Variants in TPRG1 observed in about 807,000 individuals in gnomAD.
TPRG1 encodes the protein tumor protein p63-regulated gene 1 protein.
TPRG1 carries 29 observed loss-of-function variants against 29.3 expected under a neutral mutation model. The ratio of observed to expected loss-of-function variants is 0.99; its 90% CI spans 0.74 to 1.35. The LOEUF (loss-of-function observed/expected upper bound fraction) is 1.35, where lower values mean the gene tolerates loss of function less well. TPRG1 is among the 40% of genes most tolerant of loss of function. The probability of loss-of-function intolerance (pLI) is 0.00; values close to 1 mark genes in which losing one functional copy is unlikely to be tolerated. For missense variants in TPRG1, 327 were observed against 335.0 expected (o/e 0.98, Z 0.19); for synonymous variants, 130 against 116.8 (o/e 1.11, Z -0.73).
At chr3:189,024,082 C>G (rs981941501) in intron 4 of TPRG1, 2 of 152,352 alleles carry the variant, frequency 1.3e-5, no homozygotes, top group Non-Finnish European at 2.9e-5. Flanking sequence ...CCAAGGCACA[C>G]AGGCTAGACC....
intron 4 of TPRG1, among the ~76,000 whole-genome samples, chr3:189,254,861 TA>T (rs1315482280): frequency 1.1e-4 from 16 of 152,204 alleles, no homozygotes; most frequent in Middle Eastern, 3.2e-3. Context: ...GTGATTTTTG[TA>T]CATTGATTTT....
At chr3:189,250,508 C>CACCCG (rs1553931563) in intron 4 of TPRG1, among the ~76,000 whole-genome samples, 1 of 80,248 alleles carries the variant, frequency 1.2e-5, no homozygotes, top group East Asian at 4.2e-4. Flanking sequence ...ATTTCCGCCC[C>CACCCG]CCCCCCCCCA....
chr3:189,271,313 C>T (rs990640745), intron 4 of TPRG1, among the ~76,000 whole-genome samples: 4 of 152,180 alleles, frequency 2.6e-5, no homozygotes, highest in Non-Finnish European at 4.4e-5. Flanking sequence ...GGCCTCTATT[C>T]ACATGATGGC....
chr3:189,081,729 C>G (rs1717607219), intron 4 of TPRG1, among the ~76,000 whole-genome samples: 1 of 152,182 alleles, frequency 6.6e-6, no homozygotes, highest in South Asian at 2.1e-4. Context: ...TGCACATACA[C>G]TTACTATATC....
Position 189,245,995 on chromosome 3 carries a change from T to G in TPRG1, c.479+7086T>G, listed in dbSNP as rs578040650. Among the ~76,000 whole-genome samples, 5 of 152,348 alleles carry G rather than the reference T, an allele frequency of 3.3e-5. No homozygotes were observed. The South Asian group carries it at 1.0e-3, about 32-fold the overall frequency. On this transcript the variant is annotated intron_variant, in intron 4 of 5. Transcript: ENST00000345063. ...GTAACTACTGTGTCATCTTTATACT[T>G]ACTGTTTGTATAGTGATATGATTTG...
At chr3:189,044,011 T>A (rs1714800250) in intron 4 of TPRG1, among the ~76,000 whole-genome samples, 1 of 152,168 alleles carries the variant, frequency 6.6e-6, no homozygotes, top group African/African-American at 2.4e-5. Context: ...CCAGTATCAA[T>A]GTTTTGCTGG....
chr3:189,305,539 G>A (rs903696518), intron 4 of TPRG1, among the ~76,000 whole-genome samples: 11 of 151,946 alleles, frequency 7.2e-5, no homozygotes, highest in African/African-American at 2.7e-4. Flanking sequence ...TGCTTTTTTT[G>A]TGTGTAGAAA....
intron 1 of TPRG1, among the ~76,000 whole-genome samples, chr3:189,107,534 C>T (rs927440252): frequency 6.6e-6 from 1 of 152,084 alleles, no homozygotes; most frequent in African/African-American, 2.4e-5. Flanking sequence ...AGCAATACAG[C>T]ATTATTCCCT....
intron 4 of TPRG1, among the ~76,000 whole-genome samples, chr3:189,036,092 GA>G (rs371264377): frequency 4.0e-5 from 6 of 151,334 alleles, no homozygotes; most frequent in Non-Finnish European, 5.9e-5. Context: ...ATGCACCTAT[GA>G]AAAAAAACAA....
intron 4 of TPRG1, among the ~76,000 whole-genome samples, chr3:189,058,798 G>A (rs1000182171): frequency 6.6e-6 from 1 of 152,198 alleles, no homozygotes; most frequent in Admixed American, 6.5e-5. Context: ...GGCTGAAGGA[G>A]AGTTGAATGC....
chr3:189,222,889 GT>G (rs1193337078), intron 3 of TPRG1, among the ~76,000 whole-genome samples: 3 of 152,116 alleles, frequency 2.0e-5, no homozygotes, highest in Non-Finnish European at 4.4e-5. Flanking sequence ...CATTTCCTCT[GT>G]TTTGTATGCC....
chr3:189,120,594 A>C (rs1721718553), intron 1 of TPRG1, among the ~76,000 whole-genome samples: 1 of 152,236 alleles, frequency 6.6e-6, no homozygotes, highest in Non-Finnish European at 1.5e-5. Context: ...TATGTGATAC[A>C]GTGTATTTTG....
intron 4 of TPRG1, among the ~76,000 whole-genome samples, chr3:189,244,455 A>C (rs912635452): frequency 9.2e-5 from 14 of 152,282 alleles, no homozygotes; most frequent in African/African-American, 3.4e-4. Flanking sequence ...TAATTGGTTC[A>C]GAGTTCTGCA....
intron 3 of TPRG1, among the ~76,000 whole-genome samples, chr3:189,008,320 T>G (rs1712415036): frequency 6.6e-6 from 1 of 152,150 alleles, no homozygotes; most frequent in Non-Finnish European, 1.5e-5. Context: ...CAAGTTTGGC[T>G]GCATATTGGA....
chr3:189,047,889 G>T (rs1312727790), intron 4 of TPRG1, among the ~76,000 whole-genome samples: 2 of 152,144 alleles, frequency 1.3e-5, no homozygotes, highest in Non-Finnish European at 2.9e-5. Context: ...GTCATTTCCA[G>T]CATGTTTGCA....
At chr3:189,219,902 A>T in intron 3 of TPRG1, 3 of 335,446 alleles carry the variant, frequency 8.9e-6, no homozygotes, top group Non-Finnish European at 1.3e-5. Flanking sequence ...TGTCTATCCC[A>T]GGGCTTCGGT....
At chr3:189,062,846 G>C (rs1716206163) in intron 4 of TPRG1, among the ~76,000 whole-genome samples, 1 of 151,836 alleles carries the variant, frequency 6.6e-6, no homozygotes, top group East Asian at 1.9e-4. Flanking sequence ...GGCAATAAAA[G>C]AGTAACAGAG....
At chr3:189,278,975 G>A (rs1161430473) in intron 4 of TPRG1, among the ~76,000 whole-genome samples, 2 of 152,186 alleles carry the variant, frequency 1.3e-5, no homozygotes, top group Non-Finnish European at 2.9e-5. Context: ...AATGAAACCT[G>A]TTAAAATGTA....
chr3:189,118,775 G>T (rs1481129129), intron 1 of TPRG1, among the ~76,000 whole-genome samples: 2 of 152,358 alleles, frequency 1.3e-5, no homozygotes, highest in East Asian at 3.9e-4. Context: ...CTGAGGTTTG[G>T]AAACCTCTGT....
Sources: gnomAD v4.1 joint callset for allele counts (sites outside exome capture counted in the v4.1 genomes callset) on GRCh38, gnomAD v4.1.1 for gene constraint, MANE v1.5 for transcripts, NCBI Gene and HGNC (gene_info 2026-07-23, HGNC 2026-07-21) for gene names.